NRG1: variants seen among roughly 807,000 people sequenced by gnomAD.
The protein encoded by NRG1 is neuregulin 1, also known as pro-neuregulin-1, membrane-bound isoform.
Under a neutral mutation model 63.8 loss-of-function variants are expected in NRG1, and 18 were observed. The ratio of observed to expected loss-of-function variants is 0.28; its 90% CI spans 0.19 to 0.42. NRG1 has a LOEUF of 0.42. Among genes scored for constraint, NRG1 ranks in the 10% least tolerant of loss-of-function variants. The pLI is 1.00. For synonymous variants in NRG1, 302 were observed against 301.3 expected, an observed-to-expected ratio of 1.00 and a Z score of -0.02; for missense variants, 762 against 814.7, an observed-to-expected ratio of 0.94 and a Z score of 0.79.
intron 1 of NRG1, among the ~76,000 whole-genome samples, chr8:32,363,787 T>C (rs1448482069): frequency 6.6e-6 from 1 of 152,020 alleles, no homozygotes; most frequent in Non-Finnish European, 1.5e-5. Flanking sequence ...TGCAAAGATA[T>C]CAAAAAATAA....
chr8:31,982,512 A>G (rs1282495042), intron 1 of NRG1, among the ~76,000 whole-genome samples: 5 of 151,626 alleles, frequency 3.3e-5, no homozygotes, highest in Non-Finnish European at 4.4e-5. Context: ...ATAGAACAGG[A>G]AGTGCTGAAA....
intron 1 of NRG1, among the ~76,000 whole-genome samples, chr8:32,444,947 A>C (rs937585907): frequency 6.6e-6 from 1 of 152,252 alleles, no homozygotes; most frequent in Non-Finnish European, 1.5e-5. Context: ...CAAACAAAAC[A>C]GTATTTCCTA....
intron 1 of NRG1, among the ~76,000 whole-genome samples, chr8:31,690,336 TG>T (rs1228328642): frequency 6.6e-6 from 1 of 152,134 alleles, no homozygotes; most frequent in Non-Finnish European, 1.5e-5. Flanking sequence ...GAGTTAGTCA[TG>T]GGGTGTCAGA....
intron 1 of NRG1, among the ~76,000 whole-genome samples, chr8:32,233,563 A>ATATATATATATATATT (rs34593729): frequency 7.4e-5 from 5 of 67,262 alleles, no homozygotes; most frequent in South Asian, 5.9e-4. Flanking sequence ...ATATATATAT[A>ATATATATATATATATT]TTTTTTTTTT....
chr8:32,611,299 C>T (rs924366102), intron 3 of NRG1, among the ~76,000 whole-genome samples: 2 of 151,980 alleles, frequency 1.3e-5, no homozygotes, highest in Admixed American at 1.3e-4. Context: ...ATTAAATTAT[C>T]AATTGCAGCT....
intron 6 of NRG1, among the ~76,000 whole-genome samples, chr8:32,736,467 A>T (rs1280493320): frequency 6.6e-6 from 1 of 152,234 alleles, no homozygotes. Flanking sequence ...TTACACAGAG[A>T]GAGAGCAAAG....
intron 3 of NRG1, among the ~76,000 whole-genome samples, chr8:32,613,891 A>G (rs1281188736): frequency 2.0e-5 from 3 of 152,082 alleles, no homozygotes; most frequent in Admixed American, 2.0e-4. Flanking sequence ...AGACTGTCAC[A>G]ATCCTCATGA....
chr8:32,541,994 C>G (rs1052214684), intron 1 of NRG1, among the ~76,000 whole-genome samples: 1 of 152,130 alleles, frequency 6.6e-6, no homozygotes, highest in African/African-American at 2.4e-5. Flanking sequence ...ATGCCTAGGA[C>G]AAGAAGTTTT....
rs1049820413 is a variant in NRG1, at chr8:31,788,954, G to A, written c.37+149523G>A. Among the ~76,000 whole-genome samples the A allele has an allele frequency of 5.9e-5, 9 of 152,264 alleles. No homozygotes were observed. The East Asian group carries it at 1.5e-3, about 26-fold the overall frequency. On this transcript the variant is annotated intron_variant, in intron 1 of 10. Coordinates refer to the NRG1 transcript ENST00000519301. ...TTCCAGTGTATGTTAAGAAAACAAT[G>A]TATTTTATGATGTTTTAGAGAACTG...
At chr8:32,087,407 C>G (rs1828385087) in intron 1 of NRG1, among the ~76,000 whole-genome samples, 1 of 151,502 alleles carries the variant, frequency 6.6e-6, no homozygotes, top group African/African-American at 2.4e-5. Flanking sequence ...CGTGGTGGTA[C>G]AGCATGCAGG....
At chr8:32,158,042 A>G (rs1161633333) in intron 1 of NRG1, among the ~76,000 whole-genome samples, 1 of 152,178 alleles carries the variant, frequency 6.6e-6, no homozygotes, top group Non-Finnish European at 1.5e-5. Flanking sequence ...GTCTTCAAGT[A>G]GCATTTGCCC....
Position 31,801,478 on chromosome 8 carries a change from A to T in NRG1, c.37+162047A>T, listed in dbSNP as rs140840761. On this transcript the variant is annotated intron_variant, in intron 1 of 10. Transcript: ENST00000519301. ...TATTTTTCTCATTTGTCGCTGTAAC[A>T]TAATCCATTTTTAAGAAGCAGAGCA... Among the ~76,000 whole-genome samples, 70 of 152,284 alleles carry T rather than the reference A, an allele frequency of 4.6e-4. 1 individual carries two copies. The East Asian group carries it at 0.013, about 29-fold the overall frequency.
intron 1 of NRG1, among the ~76,000 whole-genome samples, chr8:32,469,255 T>C (rs940229339): frequency 2.6e-5 from 4 of 152,180 alleles, no homozygotes; most frequent in Non-Finnish European, 5.9e-5. Flanking sequence ...GAGAGATGTT[T>C]AGTACATGTA....
intron 1 of NRG1, among the ~76,000 whole-genome samples, chr8:32,333,547 T>G (rs889991868): frequency 1.3e-5 from 2 of 152,212 alleles, no homozygotes; most frequent in Admixed American, 1.3e-4. Context: ...TGCATGGATA[T>G]GGTCTTGAAT....
Position 32,461,156 on chromosome 8 carries a change from A to G in NRG1, c.38-134672A>G, listed in dbSNP as rs549887208. On this transcript the variant is annotated intron_variant, in intron 1 of 10. Transcript: ENST00000519301. The stretch of plus-strand genomic sequence containing the variant: ...TCTTCCAATGGGCTCAGCTTGTCTC[A>G]TGATTTAATAGTACTAAAAACCTTT... Among the ~76,000 whole-genome samples, 31 of 152,240 alleles carry G rather than the reference A, an allele frequency of 2.0e-4. 1 individual carries two copies. The South Asian group carries it at 6.2e-3, about 31-fold the overall frequency.
rs771070737 is a variant in NRG1 at position 32,347,343 on chromosome 8, C to T, written c.38-248485C>T. Among the ~76,000 whole-genome samples the T allele has an allele frequency of 9.2e-5, 14 of 152,144 alleles. No individual in the cohort carries two copies. In the South Asian group the frequency reaches 1.2e-3, roughly 14 times the overall value. On this transcript the variant is annotated intron_variant, in intron 1 of 10. Coordinates refer to the NRG1 transcript ENST00000519301. ...CCAGCATCTGATAACCATGATTTCA[C>T]GCTCTATGGAGATCCTTGCTTTGAT... is the stretch of plus-strand genomic sequence containing the variant.
chr8:31,927,426 A>C (rs1834448288), intron 1 of NRG1, among the ~76,000 whole-genome samples: 1 of 149,964 alleles, frequency 6.7e-6, no homozygotes, highest in Admixed American at 6.7e-5. Context: ...GTACAATGAA[A>C]CAGAGAAAAC....
Position 31,843,123 on chromosome 8 carries a change from A to T in NRG1, c.37+203692A>T, listed in dbSNP as rs80041326. ...TCTGTTCTCATTGCCATAAAGAAAA[A>T]AAAAACACCTTTTATATTGAATTTC... On this transcript the variant is annotated intron_variant, in intron 1 of 10. Coordinates refer to the NRG1 transcript ENST00000519301. 3.9e-5 allele frequency among the ~76,000 whole-genome samples: 6 copies of T among 152,218 alleles called. No individual in the cohort carries two copies. The East Asian group carries it at 1.2e-3, about 29-fold the overall frequency.
At chr8:32,109,640 G>T (rs568798873) in intron 1 of NRG1, among the ~76,000 whole-genome samples, 1 of 152,064 alleles carries the variant, frequency 6.6e-6, no homozygotes, top group South Asian at 2.1e-4. Context: ...GGAGGTCATA[G>T]TTAGTTGTGT....
Sources: allele counts gnomAD v4.1 joint callset (sites outside exome capture counted in the v4.1 genomes callset), GRCh38; gene constraint gnomAD v4.1.1; transcripts MANE v1.5; gene names NCBI Gene and HGNC (gene_info 2026-07-23, HGNC 2026-07-21).